Variants in CNTN6 observed in about 807,000 individuals in gnomAD.
CNTN6 encodes the protein contactin 6, also known as contactin-6.
CNTN6 carries 137 observed loss-of-function variants against 122.8 expected under a neutral mutation model. The observed-to-expected ratio is 1.12, with a 90% CI of 0.97 to 1.29. CNTN6 has a LOEUF of 1.29. Ranked by LOEUF, CNTN6 falls within the 50% of genes most tolerant of loss-of-function variation. CNTN6 has a pLI of 0.00. For missense variants in CNTN6, 1,634 were observed against 1,223.4 expected, an observed-to-expected ratio of 1.34 and a Z score of -5.01; for synonymous variants, 570 against 426.0, an observed-to-expected ratio of 1.34 and a Z score of -4.16.
intron 12 of CNTN6, among the ~76,000 whole-genome samples, chr3:1,354,730 T>C (rs7653241): frequency 0.47 from 70,562 of 151,238 alleles, 19,010 homozygotes; most frequent in African/African-American, 0.73. Context: ...CATAGGGATA[T>C]TTTTCATACT....
chr3:1,270,237 C>T (rs989870075), intron 4 of CNTN6, among the ~76,000 whole-genome samples: 3 of 152,032 alleles, frequency 2.0e-5, no homozygotes, highest in Non-Finnish European at 4.4e-5. Context: ...AAATTAGTTA[C>T]TATAGAACTA....
chr3:1,383,539 ATGAAGT>A (rs1213707260), intron 19 of CNTN6, 131 bp downstream of exon 19: 1 of 695,764 alleles, frequency 1.4e-6, no homozygotes, highest in African/African-American at 1.8e-5. Flanking sequence ...AAAGCAGAGA[ATGAAGT>A]TGAGACAGGG....
At chr3:1,389,509 G>A (rs1391390105) in intron 20 of CNTN6, among the ~76,000 whole-genome samples, 3 of 152,058 alleles carry the variant, frequency 2.0e-5, no homozygotes, top group Non-Finnish European at 2.9e-5. Context: ...ATCAACTAAC[G>A]AGCAAAATCA....
chr3:1,093,909 T>G (rs1207504262), intron 1 of CNTN6, among the ~76,000 whole-genome samples: 1 of 152,154 alleles, frequency 6.6e-6, no homozygotes, highest in Non-Finnish European at 1.5e-5. Context: ...GAATTCATAG[T>G]TTTTGCTTCT....
At chr3:1,221,447 G>T (rs1027159759) in intron 3 of CNTN6, among the ~76,000 whole-genome samples, 9 of 152,094 alleles carry the variant, frequency 5.9e-5, no homozygotes, top group Non-Finnish European at 1.0e-4. Flanking sequence ...AAAATTATGT[G>T]ACTTCACTGG....
intron 10 of CNTN6, among the ~76,000 whole-genome samples, chr3:1,329,187 A>G (rs548383473): frequency 1.3e-5 from 2 of 151,238 alleles, no homozygotes; most frequent in Admixed American, 6.6e-5. Context: ...AAACACACAT[A>G]CATATATACA....
At chr3:1,248,975 C>T (rs1416281427) in intron 4 of CNTN6, among the ~76,000 whole-genome samples, 4 of 152,170 alleles carry the variant, frequency 2.6e-5, no homozygotes, top group Non-Finnish European at 5.9e-5. Context: ...ACAGGAATCA[C>T]TTGGAGATCT....
At chr3:1,318,654 C>G (rs1700438995) in intron 7 of CNTN6, among the ~76,000 whole-genome samples, 1 of 151,708 alleles carries the variant, frequency 6.6e-6, no homozygotes, top group South Asian at 2.1e-4. Context: ...AAATTTGATT[C>G]AATCCTATAG....
chr3:1,093,157 T>G (rs971892000), intron 1 of CNTN6, 37 bp downstream of exon 1: 10 of 232,880 alleles, frequency 4.3e-5, no homozygotes, highest in African/African-American at 2.3e-4. Flanking sequence ...CTGTGTCTGC[T>G]GCAATGAGAA....
chr3:1,184,489 A>T (rs1490605332), intron 2 of CNTN6, among the ~76,000 whole-genome samples: 2 of 152,162 alleles, frequency 1.3e-5, no homozygotes, highest in Non-Finnish European at 2.9e-5. Context: ...TGAGATTAGT[A>T]TGTATCATAA....
chr3:1,258,705 T>TA (rs1303803054), intron 4 of CNTN6, among the ~76,000 whole-genome samples: 1 of 152,130 alleles, frequency 6.6e-6, no homozygotes, highest in Non-Finnish European at 1.5e-5. Context: ...TTGGGGTCCC[T>TA]GAAGACCTAT....
intron 4 of CNTN6, among the ~76,000 whole-genome samples, chr3:1,264,869 C>T (rs2094902226): frequency 6.6e-6 from 1 of 152,004 alleles, no homozygotes; most frequent in Non-Finnish European, 1.5e-5. Flanking sequence ...TTCCTATGCA[C>T]CCCTCTCCCC....
intron 7 of CNTN6, 23 bp downstream of exon 7, chr3:1,298,014 T>C (rs866233177): frequency 8.9e-7 from 1 of 1,125,118 alleles, no homozygotes; most frequent in East Asian, 2.5e-5. Flanking sequence ...TTTTTGTTTT[T>C]GTTTTCCTGG....
intron 12 of CNTN6, among the ~76,000 whole-genome samples, chr3:1,363,091 C>T (rs1707714579): frequency 6.7e-6 from 1 of 150,050 alleles, no homozygotes; most frequent in African/African-American, 2.5e-5. Flanking sequence ...GAATCCCCAT[C>T]ACTTAAAAAA....
chr3:1,123,941 C>G (rs377293637), intron 1 of CNTN6, among the ~76,000 whole-genome samples: 3 of 151,954 alleles, frequency 2.0e-5, no homozygotes, highest in East Asian at 3.9e-4. Flanking sequence ...TTGATATGAT[C>G]ATATGAGGTT....
chr3:1,194,907 C>G (rs1028718519), intron 2 of CNTN6, among the ~76,000 whole-genome samples: 6 of 151,900 alleles, frequency 3.9e-5, no homozygotes, highest in African/African-American at 1.5e-4. Context: ...TAGGGACTTG[C>G]TGACTCTGGA....
At chr3:1,227,134 C>G (rs546525015) in intron 3 of CNTN6, among the ~76,000 whole-genome samples, 1 of 152,138 alleles carries the variant, frequency 6.6e-6, no homozygotes, top group South Asian at 2.1e-4. Context: ...GACTCTTCAG[C>G]TAGTTAATTC....
intron 17 of CNTN6, among the ~76,000 whole-genome samples, chr3:1,380,028 C>A (rs1410027086): frequency 6.6e-6 from 1 of 152,090 alleles, no homozygotes; most frequent in Admixed American, 6.5e-5. Flanking sequence ...TGGTCTTAAC[C>A]CAGCCTGGAA....
chr3:1,146,886 C>A (rs1388248440), intron 1 of CNTN6, among the ~76,000 whole-genome samples: 1 of 151,994 alleles, frequency 6.6e-6, no homozygotes, highest in Admixed American at 6.6e-5. Context: ...TTGAGAAAAA[C>A]ATTGACTCAA....
Sources: gnomAD v4.1 joint callset for allele counts (sites outside exome capture counted in the v4.1 genomes callset) on GRCh38, gnomAD v4.1.1 for gene constraint, MANE v1.5 for transcripts, NCBI Gene and HGNC (gene_info 2026-07-23, HGNC 2026-07-21) for gene names.